Variants in ASB12 observed in about 807,000 individuals in gnomAD.
ASB12 encodes ankyrin repeat and SOCS box containing 12, also known as ankyrin repeat and SOCS box protein 12.
A neutral mutation model predicts 13.7 loss-of-function variants in ASB12; 17 were observed. The observed-to-expected ratio is 1.24, with a 90% CI of 0.85 to 1.86. The LOEUF is 1.86. Ranked by LOEUF, ASB12 falls within the 40% of genes most tolerant of loss-of-function variation. The probability of loss-of-function intolerance (pLI) is 0.00; values close to 1 mark genes in which losing one functional copy is unlikely to be tolerated. For synonymous variants in ASB12, 107 were observed against 99.8 expected (o/e 1.07, Z -0.43); for missense variants, 329 against 250.5 (o/e 1.31, Z -2.11).
chrX:64,225,134 C>A lies in ASB12; in HGVS notation c.517G>T (p.Val173Phe). 6 of 1,211,511 alleles carry A rather than the reference C, an allele frequency of 5.0e-6. No homozygotes were observed. The highest frequency in any genetic ancestry group is 6.7e-6 in the Non-Finnish European group (6 of 895,424). The change falls in exon 2 of 3, where the codon GTC (valine) becomes TTC (phenylalanine). Residue 173 changes from valine to phenylalanine, a missense_variant. Transcript: ENST00000362002. Reference sequence around the variant, plus strand: ...CATGAAGCTATGTTTGATGCCCAGACTGGTAGTTTAGCTTTGACGTTGGCC... The same window carrying A: ...CATGAAGCTATGTTTGATGCCCAGAATGGTAGTTTAGCTTTGACGTTGGCC... ...AEANVKAKLP[V>F]WASNIASCSG...
intron 2 of ASB12, 114 bp downstream of exon 2, chrX:64,224,714 G>A (rs1930896824): frequency 2.0e-6 from 2 of 990,398 alleles, no homozygotes; most frequent in Non-Finnish European, 2.7e-6. Flanking sequence ...CCCCAGGAGA[G>A]GGAGGAAGAT....
chrX:64,228,607 C>T (rs193229660), intron 1 of ASB12, among the ~76,000 whole-genome samples: 1 of 111,914 alleles, frequency 8.9e-6, no homozygotes, highest in African/African-American at 3.2e-5. Context: ...TAGAATAGTG[C>T]CTGAAAGTAG....
chrX:64,228,770 C>T (rs1013914867), intron 1 of ASB12, among the ~76,000 whole-genome samples: 2 of 111,586 alleles, frequency 1.8e-5, no homozygotes, highest in Non-Finnish European at 3.8e-5. Context: ...GATGGGGAAA[C>T]CAAGGTTCAG....
rs1930914434 is a variant in ASB12 at position 64,225,151 on chromosome X, A to G, written c.500T>C (p.Val167Ala). The G allele has an allele frequency of 8.3e-7, 1 of 1,209,351 alleles. No homozygotes were observed. Among genetic ancestry groups the G allele is most frequent in the Non-Finnish European group, 1.1e-6 (1 of 895,056 alleles). ...ELLDHGAEANVKAKLPVWASN... is the reference protein window; with the variant it reads ...ELLDHGAEANAKAKLPVWASN... ...TGCCCAGACTGGTAGTTTAGCTTTG[A>G]CGTTGGCCTCTGCACCATGGTCTAG... The change falls in exon 2 of 3, where the codon GTC becomes GCC. Residue 167 changes from valine (V) to alanine (A), a missense_variant. Physicochemically the swap from Val to Ala is moderately conservative, Grantham distance 64. Coordinates refer to ENST00000362002, the MANE Select transcript of ASB12 (RefSeq NM_130388.4).
chrX:64,227,891 T>G (rs1249934960), intron 1 of ASB12, among the ~76,000 whole-genome samples: 1 of 112,095 alleles, frequency 8.9e-6, no homozygotes, highest in Non-Finnish European at 1.9e-5. Flanking sequence ...TCCTGTGGAT[T>G]TTACCTACTA....
At chrX:64,224,793 AG>A (rs761236021) in intron 2 of ASB12, 34 bp downstream of exon 2, 2 of 1,152,723 alleles carry the variant, frequency 1.7e-6, no homozygotes, top group Admixed American at 5.3e-5. Context: ...CCTCCAAGCC[AG>A]GTGGCCTATG....
Position 64,225,442 on chromosome X carries a change from C to T in ASB12, c.209G>A (p.Trp70Ter). 1.7e-6 allele frequency: 2 copies of T among 1,210,984 alleles called. No homozygotes were observed. Among genetic ancestry groups the T allele is most frequent in the Non-Finnish European group, 1.1e-6 (1 of 895,142 alleles). ...YKRFINSRSG[W>*]GVPGTPLRLA... ...GCGCAAGGGTGTCCCAGGAACACCC[C>T]AGCCACTCCTGCTGTTGATGAAACG... The change falls in exon 2 of 3, where the codon TGG becomes TAG. Residue 70 changes from tryptophan (W) to a stop codon, truncating the protein, a stop_gained. Coordinates refer to ENST00000362002, the MANE Select transcript of ASB12 (RefSeq NM_130388.4). LOFTEE classifies it high-confidence loss of function.
At chrX:64,226,371 C>T (rs1448022491) in intron 1 of ASB12, among the ~76,000 whole-genome samples, 1 of 112,366 alleles carries the variant, frequency 8.9e-6, no homozygotes, top group Non-Finnish European at 1.9e-5. Flanking sequence ...AAGAAGTATT[C>T]AGGAAACTGG....
intron 1 of ASB12, among the ~76,000 whole-genome samples, chrX:64,229,339 C>T (rs1299697018): frequency 1.8e-5 from 2 of 111,769 alleles, no homozygotes; most frequent in Non-Finnish European, 3.8e-5. Context: ...CAGAGGGAGA[C>T]CAAGCCATGC....
rs1930915606 is a variant in ASB12 at position 64,225,170 on chromosome X, G to A, written c.481C>T (p.His161Tyr). The A allele has an allele frequency of 8.3e-7, 1 of 1,209,618 alleles. No homozygotes were observed. Among genetic ancestry groups the A allele is most frequent in the Non-Finnish European group, 1.1e-6 (1 of 895,114 alleles). Residue 161 changes from histidine (H) to tyrosine (Y), a missense_variant, in exon 2 of 3, where the codon CAT (histidine) becomes TAT (tyrosine). Transcript: ENST00000362002. ...GCTTTGACGTTGGCCTCTGCACCAT[G>A]GTCTAGGAGCTCCTGCAGGATAGCA... ...AVAILQELLDHGAEANVKAKL... is the reference protein window; with the variant it reads ...AVAILQELLDYGAEANVKAKL...
rs1236043846 is a variant in ASB12 at position 64,230,607 on chromosome X, T to C, written c.-169A>G. On this transcript the variant is annotated 5_prime_UTR_variant, in exon 1 of 3. Transcript: ENST00000362002. Reference sequence around the variant, plus strand: ...GGCTCTCGTTTCCCACTGTTAACAATGCCGTTGAAAGACTAGGAGTCAGTC... The same window carrying C: ...GGCTCTCGTTTCCCACTGTTAACAACGCCGTTGAAAGACTAGGAGTCAGTC... 1 of 111,720 alleles carries C rather than the reference T, an allele frequency of 9.0e-6. No individual in the cohort carries two copies. The highest frequency in any genetic ancestry group is 9.4e-5 in the Admixed American group (1 of 10,629). The allele number at this position is 111,720 out of a possible 1,213,427, so 9.2% of individuals were successfully genotyped here.
chrX:64,225,922 C>G (rs1930941774), intron 1 of ASB12, among the ~76,000 whole-genome samples: 2 of 112,444 alleles, frequency 1.8e-5, no homozygotes, highest in South Asian at 7.4e-4. Flanking sequence ...GTCTAGGAAG[C>G]CTTCTCTAAT....
rs1215653050 is a variant in ASB12 at position 64,225,759 on chromosome X, C to T, written c.-24-85G>A. 5 of 999,291 alleles carry T rather than the reference C, an allele frequency of 5.0e-6. No homozygotes were observed. In the African/African-American group the frequency reaches 9.7e-5, roughly 19 times the overall value. 82.4% of individuals were successfully genotyped at this position (999,291 alleles called of 1,213,427 possible). A position where few individuals can be genotyped will look rare whatever the true frequency, so the allele number is the denominator to read the frequency against. ...CGCTCCTTGAAATCTCCCTCCATTTCACCATCAGGCTACTCATTCATGGGT... is the reference window on the plus strand; with the variant it reads ...CGCTCCTTGAAATCTCCCTCCATTTTACCATCAGGCTACTCATTCATGGGT... On this transcript the variant is annotated intron_variant, in intron 1 of 2. Coordinates refer to ENST00000362002, the MANE Select transcript of ASB12 (RefSeq NM_130388.4).
intron 1 of ASB12, among the ~76,000 whole-genome samples, chrX:64,230,217 G>A (rs762860457): frequency 7.2e-5 from 8 of 111,160 alleles, no homozygotes; most frequent in Non-Finnish European, 1.5e-4. Context: ...TCAAGAAGCA[G>A]GTCTGTTTAG....
rs765670083 is a variant in ASB12, at chrX:64,224,427, G to T, written c.865C>A (p.Arg289Ser). The change falls in exon 3 of 3, where the codon CGC becomes AGC. Residue 289 changes from arginine (R) to serine (S), a missense_variant. Physicochemically the swap from Arg to Ser is moderately radical, Grantham distance 110. Coordinates refer to ENST00000362002, the MANE Select transcript of ASB12 (RefSeq NM_130388.4). Reference sequence around the variant, plus strand: ...TGGCCAGCCTGGCACAAGGCTCTGCGGACGACTAAACGGACCTGTGATAGA... The same window carrying T: ...TGGCCAGCCTGGCACAAGGCTCTGCTGACGACTAAACGGACCTGTGATAGA... The part of the protein sequence containing the change: ...SLLSQVRLVV[R>S]RALCQAGQPQ... The T allele has an allele frequency of 8.3e-7, 1 of 1,208,149 alleles. No homozygotes were observed. Among genetic ancestry groups the T allele is most frequent in the Non-Finnish European group, 1.1e-6 (1 of 894,052 alleles).
In ASB12 at chrX:64,225,629, C is replaced by T. The variant is rs756906516; in HGVS notation, c.22G>A (p.Ala8Thr). 15 of 1,190,134 alleles carry T rather than the reference C, an allele frequency of 1.3e-5. No individual in the cohort carries two copies. In the East Asian group the frequency reaches 4.2e-4, roughly 34 times the overall value. Residue 8 changes from alanine to threonine, a missense_variant, in exon 2 of 3, where the codon GCC (alanine) becomes ACC (threonine). Transcript: ENST00000362002. MRIVLQL[A>T]KMNLMDITKI... ...GTGATGTCCATGAGGTTCATCTTGG[C>T]TAATTGGAGAACTATTCTCATTATG...
rs1292536391 is a variant in ASB12, at chrX:64,225,061, AAACAGTCCAGGTGCCCGT to A, written c.572_589del (p.Tyr191_Cys196del). ...TGCCCCGTGGAGCAAAAGCAGGCGGAAACAGTCCAGGTGCCCGTAGACTGCGGCCAAATAGAGGGGGCC... is the reference window on the plus strand; with the variant it reads ...TGCCCCGTGGAGCAAAAGCAGGCGGAAGACTGCGGCCAAATAGAGGGGGCC... On this transcript the variant is annotated inframe_deletion, in exon 2 of 3. Coordinates refer to ENST00000362002, the MANE Select transcript of ASB12 (RefSeq NM_130388.4). 20 of 1,211,622 alleles carry A rather than the reference AAACAGTCCAGGTGCCCGT, an allele frequency of 1.7e-5. No individual in the cohort carries two copies. Among genetic ancestry groups the A allele is most frequent in the Admixed American group, 2.2e-5 (1 of 46,023 alleles).
rs963344740 is a variant in ASB12, at chrX:64,225,118, A to G, written c.533T>C (p.Ile178Thr). ...ATAGAGGGGGCCAGAACATGAAGCT[A>G]TGTTTGATGCCCAGACTGGTAGTTT... is the stretch of plus-strand genomic sequence containing the variant. Reference protein sequence around the residue: ...KAKLPVWASNIASCSGPLYLA... With the variant: ...KAKLPVWASNTASCSGPLYLA... The change falls in exon 2 of 3, where the codon ATA becomes ACA. Residue 178 changes from isoleucine to threonine, a missense_variant. Physicochemically the swap from Ile to Thr is moderately conservative, Grantham distance 89. Coordinates refer to ENST00000362002, the MANE Select transcript of ASB12 (RefSeq NM_130388.4). 21 of 1,209,393 alleles carry G rather than the reference A, an allele frequency of 1.7e-5. No individual in the cohort carries two copies. The highest frequency in any genetic ancestry group is 1.2e-4 in the African/African-American group (7 of 56,969).
chrX:64,229,919 A>C (rs1416831178), intron 1 of ASB12, among the ~76,000 whole-genome samples: 2 of 111,548 alleles, frequency 1.8e-5, no homozygotes, highest in African/African-American at 6.5e-5. Context: ...TTGTCTATTC[A>C]TCCAAGTTTC....
Sources: allele counts gnomAD v4.1 joint callset (sites outside exome capture counted in the v4.1 genomes callset), GRCh38; gene constraint gnomAD v4.1.1; transcripts MANE v1.5; gene names NCBI Gene and HGNC (gene_info 2026-07-23, HGNC 2026-07-21).